The following PAFAH2 variants were observed in gnomAD, a reference collection of about 807,000 sequenced individuals.
The protein encoded by PAFAH2 is platelet-activating factor acetylhydrolase 2, cytoplasmic.
PAFAH2 carries 42 observed loss-of-function variants against 49.0 expected under a neutral mutation model. The observed-to-expected ratio is 0.86, with a 90% CI of 0.67 to 1.11. The LOEUF (loss-of-function observed/expected upper bound fraction) is 1.11, where lower values mean the gene tolerates loss of function less well. Ranked by LOEUF, PAFAH2 falls within the 50% of genes least tolerant of loss-of-function variation. The pLI, the probability that PAFAH2 is intolerant of heterozygous loss-of-function variation, is 0.00. For synonymous variants in PAFAH2, 184 were observed against 181.3 expected, an observed-to-expected ratio of 1.01 and a Z score of -0.12; for missense variants, 503 against 501.8, an observed-to-expected ratio of 1.00 and a Z score of -0.02.
intron 7 of PAFAH2, among the ~76,000 whole-genome samples, chr1:25,980,245 G>A (rs1302788762): frequency 6.6e-6 from 1 of 152,198 alleles, no homozygotes; most frequent in East Asian, 1.9e-4. Flanking sequence ...TCTATGTAAA[G>A]AGGTATGAAT....
chr1:25,985,861 A>T (rs1192061685), intron 4 of PAFAH2, among the ~76,000 whole-genome samples: 1 of 152,204 alleles, frequency 6.6e-6, no homozygotes, highest in Admixed American at 6.5e-5. Context: ...CGATTTGTTA[A>T]TCTTGGTATG....
rs548882707 is a variant in PAFAH2, at chr1:25,982,420, C to A, written c.610G>T (p.Ala204Ser). 1.2e-6 allele frequency: 2 copies of A among 1,614,186 alleles called. No homozygotes were observed. The highest frequency in any genetic ancestry group is 1.3e-5 in the African/African-American group (1 of 75,056). ...AAGATGTTGAAGACAGTCTGCCCAG[C>A]AGTGACCTCTTGCAGGATCTTCAAC... Reference protein sequence around the residue: ...RVLKILQEVTAGQTVFNILPG... With the variant: ...RVLKILQEVTSGQTVFNILPG... Residue 204 changes from alanine to serine, a missense_variant, in exon 7 of 11, where the codon GCT (alanine) becomes TCT (serine). Transcript: ENST00000374282.
In PAFAH2 at chr1:25,989,607, G is replaced by T; in HGVS notation, c.91-6C>A. On this transcript the variant is annotated splice_region_variant and splice_polypyrimidine_tract_variant and intron_variant, in intron 2 of 10. Transcript: ENST00000374282. The stretch of plus-strand genomic sequence containing the variant: ...AAGAGTCGAAAGAAGCTCCCCTGTA[G>T]GAAAGAAGAGAGCAGCTGCTCAGAG... 6.4e-7 allele frequency: 1 copy of T among 1,552,684 alleles called. No homozygotes were observed. The highest frequency in any genetic ancestry group is 2.4e-5 in the East Asian group (1 of 42,074).
chr1:25,991,990 C>T (rs1040343778), intron 1 of PAFAH2, among the ~76,000 whole-genome samples: 8 of 152,172 alleles, frequency 5.3e-5, no homozygotes, highest in Admixed American at 2.0e-4. Flanking sequence ...AGTGGCAAAC[C>T]CATCTCTGCC....
At chr1:25,992,817 T>G (rs1293462200) in intron 1 of PAFAH2, among the ~76,000 whole-genome samples, 1 of 152,182 alleles carries the variant, frequency 6.6e-6, no homozygotes, top group East Asian at 1.9e-4. Context: ...AGCCAATCAG[T>G]CCTTCTTATT....
intron 4 of PAFAH2, 138 bp downstream of exon 4, chr1:25,988,093 C>T (rs963942124): frequency 1.6e-6 from 1 of 614,146 alleles, no homozygotes; most frequent in Non-Finnish European, 2.9e-6. Context: ...GAACCCAATG[C>T]TATGGGACGA....
intron 1 of PAFAH2, among the ~76,000 whole-genome samples, chr1:25,995,136 T>C (rs1461686003): frequency 6.6e-6 from 1 of 152,232 alleles, no homozygotes; most frequent in African/African-American, 2.4e-5. Context: ...TGGTAGTACC[T>C]GTCCAGAAGC....
intron 9 of PAFAH2, among the ~76,000 whole-genome samples, chr1:25,972,926 G>C (rs769715254): frequency 6.6e-6 from 1 of 152,178 alleles, no homozygotes; most frequent in Non-Finnish European, 1.5e-5. Flanking sequence ...GATGGAGTTA[G>C]GATTTGAAGC....
In PAFAH2 at chr1:25,976,720, G is replaced by T; in HGVS notation, c.720C>A (p.Ala240=). 3 of 1,614,110 alleles carry T rather than the reference G, an allele frequency of 1.9e-6. No individual in the cohort carries two copies. The highest frequency in any genetic ancestry group is 2.5e-6 in the Non-Finnish European group (3 of 1,180,030). The change falls in exon 8 of 11, where the codon GCC becomes GCA. Residue 240 remains alanine (A), a synonymous_variant. Transcript: ENST00000374282. ...CCTTGGCCAAAGCCAGAATAGCTGT[G>T]GCCCCTCCAAATGAATGTCCCATCA... ...VAVMGHSFGG[A]TAILALAKET... is the part of the protein sequence containing the mutation.
intron 10 of PAFAH2, 76 bp downstream of exon 10, chr1:25,972,482 G>T: frequency 2.1e-6 from 3 of 1,454,596 alleles, no homozygotes; most frequent in Non-Finnish European, 2.8e-6. Flanking sequence ...TCCCAGACAT[G>T]TCAGAGTTCT....
intron 1 of PAFAH2, among the ~76,000 whole-genome samples, chr1:25,992,965 A>G (rs1287160359): frequency 6.6e-6 from 1 of 152,188 alleles, no homozygotes; most frequent in Non-Finnish European, 1.5e-5. Context: ...TGCAGATGTC[A>G]CCTGTCAAGT....
intron 1 of PAFAH2, among the ~76,000 whole-genome samples, chr1:25,991,334 G>T (rs1336301357): frequency 1.3e-5 from 2 of 151,922 alleles, no homozygotes; most frequent in African/African-American, 4.8e-5. Context: ...AGGCTGGAGT[G>T]CAGTGGCATG....
At position 25,961,888 on chromosome 1, in the gene PAFAH2, G is replaced by T; in HGVS notation, c.*101C>A. Reference sequence around the variant, plus strand: ...GATTACACCTTTCAATCTGTGAAAAGGGGTCACGTTGATCACTTCTTGATA... The same window carrying T: ...GATTACACCTTTCAATCTGTGAAAATGGGTCACGTTGATCACTTCTTGATA... On this transcript the variant is annotated 3_prime_UTR_variant, in exon 11 of 11. Coordinates refer to ENST00000374282, the MANE Select transcript of PAFAH2 (RefSeq NM_000437.4). 1 of 728,046 alleles carries T rather than the reference G, an allele frequency of 1.4e-6. No homozygotes were observed. The highest frequency in any genetic ancestry group is 1.8e-5 in the South Asian group (1 of 56,512). The allele number at this position is 728,046 out of a possible 1,614,324, so 45.1% of individuals were successfully genotyped here.
intron 1 of PAFAH2, among the ~76,000 whole-genome samples, chr1:25,993,347 G>A (rs2049899815): frequency 6.6e-6 from 1 of 152,124 alleles, no homozygotes; most frequent in African/African-American, 2.4e-5. Context: ...ACCTAAGGGA[G>A]CATTTCCGTC....
At chr1:25,994,530 G>C (rs2049914480) in intron 1 of PAFAH2, among the ~76,000 whole-genome samples, 1 of 152,080 alleles carries the variant, frequency 6.6e-6, no homozygotes, top group African/African-American at 2.4e-5. Context: ...GGGTTGCTGT[G>C]GAAATAAAAT....
chr1:25,982,614 T>C, intron 6 of PAFAH2, 137 bp from the exon 7 acceptor site: 1 of 639,770 alleles, frequency 1.6e-6, no homozygotes, highest in South Asian at 1.8e-5. Flanking sequence ...GGGTGCCATG[T>C]CCTGAGAAGG....
At chr1:25,991,390 C>T (rs1358916907) in intron 1 of PAFAH2, among the ~76,000 whole-genome samples, 2 of 152,064 alleles carry the variant, frequency 1.3e-5, no homozygotes, top group Admixed American at 6.5e-5. Context: ...AGCGATTCTC[C>T]TGCCTCAGCC....
chr1:25,992,830 C>T (rs572731998), intron 1 of PAFAH2, among the ~76,000 whole-genome samples: 1 of 152,190 alleles, frequency 6.6e-6, no homozygotes, highest in Non-Finnish European at 1.5e-5. Flanking sequence ...TTCTTATTCT[C>T]CGGTCAGTAT....
intron 7 of PAFAH2, among the ~76,000 whole-genome samples, chr1:25,981,103 T>A (rs1052652518): frequency 4.6e-5 from 7 of 151,998 alleles, no homozygotes; most frequent in Non-Finnish European, 5.9e-5. Context: ...TCTAAAAAAA[T>A]TTTTTTTAAA....
Sources: allele counts gnomAD v4.1 joint callset (sites outside exome capture counted in the v4.1 genomes callset), GRCh38; gene constraint gnomAD v4.1.1; transcripts MANE v1.5; gene names NCBI Gene and HGNC (gene_info 2026-07-23, HGNC 2026-07-21).